The following CYP2A6 variants were observed in gnomAD, a reference collection of about 807,000 sequenced individuals.
The protein encoded by CYP2A6 is cytochrome P450 family 2 subfamily A member 6.
CYP2A6 carries 27 observed loss-of-function variants against 42.3 expected under a neutral mutation model. The ratio of observed to expected loss-of-function variants is 0.64; its 90% CI spans 0.47 to 0.88. CYP2A6 has a LOEUF of 0.88. CYP2A6 is among the 40% of genes least tolerant of loss of function. The pLI is 0.00. For missense variants in CYP2A6, 628 were observed against 646.0 expected (o/e 0.97, Z 0.30); for synonymous variants, 238 against 246.3 (o/e 0.97, Z 0.31).
intron 5 of CYP2A6, 45 bp downstream of exon 5, chr19:40,846,830 C>T (rs749273569): frequency 3.7e-6 from 6 of 1,602,758 alleles, no homozygotes; most frequent in Non-Finnish European, 5.1e-6. Context: ...ACTGATTTCC[C>T]TCTGCCTGGC....
intron 4 of CYP2A6, among the ~76,000 whole-genome samples, chr19:40,847,374 GT>G (rs1285486487): frequency 6.6e-6 from 1 of 151,516 alleles, no homozygotes. Context: ...CTGTCCAGGT[GT>G]TTAGCTCTTC....
rs751192668 is a variant in CYP2A6 at position 40,848,646 on chromosome 19, C to T, written c.461G>A (p.Gly154Asp). The stretch of plus-strand genomic sequence containing the variant: ...GCCCCGGAGGGCGTCGATGAGGAAG[C>T]CCGCCTCCTCCTGGATGCGCTCCTC... ...GIEERIQEEA[G>D]FLIDALRGTG... The change falls in exon 3 of 9, where the codon GGC becomes GAC. Residue 154 changes from glycine (G) to aspartate (D), a missense_variant. Physicochemically the swap from Gly to Asp is moderately conservative, Grantham distance 94 (BLOSUM62 -1). Coordinates refer to ENST00000301141, the MANE Select transcript of CYP2A6 (RefSeq NM_000762.6). 6.2e-7 allele frequency: 1 copy of T among 1,611,932 alleles called. No homozygotes were observed. Among genetic ancestry groups the T allele is most frequent in the Admixed American group, 1.7e-5 (1 of 60,006 alleles).
chr19:40,849,880 T>G lies in CYP2A6; in HGVS notation c.281A>C (p.Gln94Pro). Residue 94 changes from glutamine (Q) to proline (P), a missense_variant, in exon 2 of 9, where the codon CAG becomes CCG. Physicochemically the swap from Gln to Pro is moderately conservative, Grantham distance 76. Coordinates refer to ENST00000301141, the MANE Select transcript of CYP2A6 (RefSeq NM_000762.6). The stretch of plus-strand genomic sequence containing the variant: ...GCCTCGCCCGCTGAACTCCTCAGCC[T>G]GGTCCACCAGAGCCTCCCTGACGGC... ...HDAVREALVDQAEEFSGRGEQ... is the reference protein window; with the variant it reads ...HDAVREALVDPAEEFSGRGEQ... The G allele has an allele frequency of 2.5e-6, 4 of 1,611,612 alleles. No individual in the cohort carries two copies. The highest frequency in any genetic ancestry group is 2.5e-6 in the Non-Finnish European group (3 of 1,179,756).
At chr19:40,844,423 C>A (rs1317333649) in intron 8 of CYP2A6, among the ~76,000 whole-genome samples, 3 of 151,262 alleles carry the variant, frequency 2.0e-5, no homozygotes, top group Non-Finnish European at 2.9e-5. Context: ...AATACATCTA[C>A]GGGGAAAGAT....
intron 7 of CYP2A6, 96 bp downstream of exon 7, chr19:40,845,198 G>A: frequency 6.6e-7 from 1 of 1,508,334 alleles, no homozygotes; most frequent in Non-Finnish European, 9.2e-7. Context: ...GAGGGAGTGG[G>A]ACAGGGTCTA....
In CYP2A6 at chr19:40,848,711, G is replaced by T. The variant is rs143626489; in HGVS notation, c.396C>A (p.Ile132=). 9.6e-5 allele frequency: 154 copies of T among 1,611,792 alleles called. No individual in the cohort carries two copies. Among genetic ancestry groups the T allele is most frequent in the Middle Eastern group, 1.6e-4 (1 of 6,080 alleles). Residue 132 remains isoleucine (I), a synonymous_variant, in exon 3 of 9, where the codon ATC becomes ATA. Transcript: ENST00000301141. ...CCACCCCGAAGTCCCGCAGGGTGGCGATGGAGAAGCGCCGGAGCTGCTTGG... is the reference window on the plus strand; with the variant it reads ...CCACCCCGAAGTCCCGCAGGGTGGCTATGGAGAAGCGCCGGAGCTGCTTGG... The part of the protein sequence containing the change: ...ERAKQLRRFS[I]ATLRDFGVGK...
In CYP2A6 at chr19:40,847,644, T is replaced by G. The variant is rs1318962617; in HGVS notation, c.654+575A>C. On this transcript the variant is annotated intron_variant, in intron 4 of 8. Coordinates refer to ENST00000301141, the MANE Select transcript of CYP2A6 (RefSeq NM_000762.6). ...GAAAGGGTTGGGGAACACTTATTTG[T>G]GTGTCAGGGAACAATCTGTCTAGAT... Among the ~76,000 whole-genome samples the G allele has an allele frequency of 3.0e-4, 46 of 151,264 alleles. 2 individuals carry two copies. The highest frequency in any genetic ancestry group is 3.4e-3 in the Middle Eastern group (1 of 294).
rs998979821 is a variant in CYP2A6 at position 40,844,929 on chromosome 19, G to T, written c.1162-157C>A. 10 of 958,604 alleles carry T rather than the reference G, an allele frequency of 1.0e-5. No homozygotes were observed. In the African/African-American group the frequency reaches 1.3e-4, roughly 13 times the overall value. 59.4% of individuals were successfully genotyped at this position (958,604 alleles called of 1,614,324 possible). On this transcript the variant is annotated intron_variant, in intron 7 of 8. Coordinates refer to ENST00000301141, the MANE Select transcript of CYP2A6 (RefSeq NM_000762.6). ...GATGGAGGAGCTTTGGGGGATAGAA[G>T]GTTCACATCTCTGAAACAGGAAGTT...
chr19:40,844,325 T>C (rs1054609539), intron 8 of CYP2A6, among the ~76,000 whole-genome samples: 2 of 149,516 alleles, frequency 1.3e-5, no homozygotes, highest in Non-Finnish European at 2.9e-5. Context: ...TTAGATGTCC[T>C]TTCCTGCCAG....
chr19:40,850,074 C>G, intron 1 of CYP2A6, 94 bp from the exon 2 acceptor site: 1 of 1,552,866 alleles, frequency 6.4e-7, no homozygotes, highest in Non-Finnish European at 8.7e-7. Context: ...GCTTCGCACC[C>G]AGGTTCTCAC....
rs1436606919 is a variant in CYP2A6, at chr19:40,844,613, C to T, written c.1303+18G>A. 2 of 1,611,170 alleles carry T rather than the reference C, an allele frequency of 1.2e-6. No homozygotes were observed. The highest frequency in any genetic ancestry group is 2.7e-5 in the African/African-American group (2 of 74,564). ...GCTGGTGTGAGCCGTGGCCTGGCAG[C>T]AAACAGTGGTCTCTTACCGATGGAA... On this transcript the variant is annotated intron_variant, in intron 8 of 8. Coordinates refer to ENST00000301141, the MANE Select transcript of CYP2A6 (RefSeq NM_000762.6).
intron 2 of CYP2A6, 30 bp from the exon 3 acceptor site, chr19:40,848,793 G>C: frequency 6.3e-7 from 1 of 1,593,976 alleles, no homozygotes; most frequent in Non-Finnish European, 8.5e-7. Flanking sequence ...AATGGAGACA[G>C]GCCAGGGGGC....
chr19:40,849,731 G>T (rs541653514), intron 2 of CYP2A6, 87 bp downstream of exon 2: 5 of 1,581,160 alleles, frequency 3.2e-6, no homozygotes, highest in Non-Finnish European at 4.3e-6. Flanking sequence ...TTAGCCTCCA[G>T]TTGGCAGGAG....
At position 40,845,858 on chromosome 19, in the gene CYP2A6, C is replaced by T. The variant is rs1051280634; in HGVS notation, c.973+98G>A. The T allele has an allele frequency of 9.8e-6, 15 of 1,531,384 alleles. No individual in the cohort carries two copies. The African/African-American group carries it at 1.7e-4, about 17-fold the overall frequency. The allele number at this position is 1,531,384 out of a possible 1,614,324, so 94.9% of individuals were successfully genotyped here. On this transcript the variant is annotated intron_variant, in intron 6 of 8. Transcript: ENST00000301141. ...TGTCTCTGGACAGCAAGTCACGTCT[C>T]AGGGTCCCGGGATCTGGGACAGGTG...
At chr19:40,849,756 C>T in intron 2 of CYP2A6, 62 bp downstream of exon 2, 1 of 1,601,072 alleles carries the variant, frequency 6.2e-7, no homozygotes, top group Non-Finnish European at 8.5e-7. Flanking sequence ...AGGGAGAAGG[C>T]TGGGAACACT....
At position 40,850,407 on chromosome 19, in the gene CYP2A6, A is replaced by G; in HGVS notation, c.20T>C (p.Leu7Pro). Residue 7 changes from leucine to proline, a missense_variant, in exon 1 of 9, where the codon CTT becomes CCT. Coordinates refer to ENST00000301141, the MANE Select transcript of CYP2A6 (RefSeq NM_000762.6). MLASGM[L>P]LVALLVCLTV... ...CAGGCAGACCAGCAAGGCCACCAGA[A>G]GCATCCCTGAGGCCAGCATGGTGGT... The G allele has an allele frequency of 1.9e-6, 3 of 1,609,838 alleles. No individual in the cohort carries two copies. The highest frequency in any genetic ancestry group is 2.5e-6 in the Non-Finnish European group (3 of 1,178,570).
At chr19:40,848,174 G>A (rs1194192404) in intron 4 of CYP2A6, 45 bp downstream of exon 4, 1 of 1,603,676 alleles carries the variant, frequency 6.2e-7, no homozygotes, top group Admixed American at 1.7e-5. Context: ...GGAGCAGTTG[G>A]CAGGTTGTGG....
At position 40,843,552 on chromosome 19, in the gene CYP2A6, G is replaced by A. The variant is rs569152950; in HGVS notation, c.*244C>T. On this transcript the variant is annotated 3_prime_UTR_variant, in exon 9 of 9. Transcript: ENST00000301141. The stretch of plus-strand genomic sequence containing the variant: ...ACGGGGGTACGTGCTCAGGAAATAA[G>A]AGCTGCTATTATTACTACTCTTCAT... 8.0e-5 allele frequency: 52 copies of A among 652,428 alleles called. No individual in the cohort carries two copies. Among genetic ancestry groups the A allele is most frequent in the East Asian group, 3.0e-4 (9 of 30,238 alleles). The allele number at this position is 652,428 out of a possible 1,614,324, so 40.4% of individuals were successfully genotyped here. A position where few individuals can be genotyped will look rare whatever the true frequency, so the allele number is the denominator to read the frequency against.
chr19:40,846,464 A>G (rs1016117535), intron 5 of CYP2A6, among the ~76,000 whole-genome samples: 4 of 151,082 alleles, frequency 2.6e-5, no homozygotes, highest in Non-Finnish European at 5.9e-5. Flanking sequence ...GGAACTGCAC[A>G]TGCGCATGAC....
Sources: gnomAD v4.1 joint callset for allele counts (sites outside exome capture counted in the v4.1 genomes callset) on GRCh38, gnomAD v4.1.1 for gene constraint, MANE v1.5 for transcripts, NCBI Gene and HGNC (gene_info 2026-07-23, HGNC 2026-07-21) for gene names.